TMEM150C: variants seen among roughly 807,000 people sequenced by gnomAD.
TMEM150C encodes transmembrane protein 150C, also known as tentonin 3.
Under a neutral mutation model 29.9 loss-of-function variants are expected in TMEM150C, and 10 were observed. That is an observed-to-expected ratio of 0.33 (90% CI 0.21 to 0.57). TMEM150C has a LOEUF of 0.57. Ranked by LOEUF, TMEM150C falls within the 20% of genes least tolerant of loss-of-function variation. The pLI is 0.88. For missense variants in TMEM150C, 251 were observed against 303.6 expected (o/e 0.83, Z 1.29); for synonymous variants, 101 against 112.5 (o/e 0.90, Z 0.64).
Position 82,487,013 on chromosome 4 carries a change from A to G in TMEM150C, c.542-1294T>C, listed in dbSNP as rs1012914622. ...TTAGACCTGAAATCGGGAAATTTTCAGAGAGCAAGAATGTGAAATTACTTC... is the reference window on the plus strand; with the variant it reads ...TTAGACCTGAAATCGGGAAATTTTCGGAGAGCAAGAATGTGAAATTACTTC... On this transcript the variant is annotated intron_variant, in intron 7 of 7. Transcript: ENST00000449862. Among the ~76,000 whole-genome samples, 15 of 152,330 alleles carry G rather than the reference A, an allele frequency of 9.8e-5. 1 individual carries two copies. The highest frequency in any genetic ancestry group is 2.6e-4 in the Admixed American group (4 of 15,296).
chr4:82,549,828 T>C (rs2110091949), intron 1 of TMEM150C, among the ~76,000 whole-genome samples: 1 of 152,248 alleles, frequency 6.6e-6, no homozygotes. Flanking sequence ...TTTTTTAGAA[T>C]GTAAGAAATT....
intron 5 of TMEM150C, among the ~76,000 whole-genome samples, chr4:82,502,139 C>A (rs569194385): frequency 6.6e-6 from 1 of 152,096 alleles, no homozygotes; most frequent in Non-Finnish European, 1.5e-5. Flanking sequence ...CACAGAGGGA[C>A]AGAATATTAC....
intron 1 of TMEM150C, among the ~76,000 whole-genome samples, chr4:82,520,889 C>G (rs920835763): frequency 6.6e-6 from 1 of 152,094 alleles, no homozygotes; most frequent in Admixed American, 6.5e-5. Flanking sequence ...AATAAACAAA[C>G]AAAACACACA....
At chr4:82,494,783 A>ATTT (rs70964776) in intron 6 of TMEM150C, 4,186 of 187,892 alleles carry the variant, frequency 0.022, 103 homozygotes, top group African/African-American at 0.035. Context: ...AATGTTCCTA[A>ATTT]TTTTTTTTTT....
At chr4:82,523,589 T>TA (rs1337381459) in intron 1 of TMEM150C, among the ~76,000 whole-genome samples, 5 of 152,160 alleles carry the variant, frequency 3.3e-5, no homozygotes, top group African/African-American at 7.2e-5. Context: ...GGTGGGGCCT[T>TA]ACAAGAAACT....
At chr4:82,532,153 A>T (rs150791437) in intron 1 of TMEM150C, among the ~76,000 whole-genome samples, 56 of 152,338 alleles carry the variant, frequency 3.7e-4, no homozygotes, top group African/African-American at 1.3e-3. Flanking sequence ...TGATAATAAG[A>T]GCTGAAAAGA....
chr4:82,522,774 G>C (rs945505258), intron 1 of TMEM150C, among the ~76,000 whole-genome samples: 2 of 152,092 alleles, frequency 1.3e-5, no homozygotes, highest in Non-Finnish European at 2.9e-5. Context: ...GGAGCTGGGT[G>C]GGGGGCTGTG....
At chr4:82,537,037 A>G (rs1424945047) in intron 1 of TMEM150C, among the ~76,000 whole-genome samples, 1 of 152,174 alleles carries the variant, frequency 6.6e-6, no homozygotes, top group Non-Finnish European at 1.5e-5. Flanking sequence ...GCTGGAGTGC[A>G]GTGGCTCGAT....
intron 1 of TMEM150C, among the ~76,000 whole-genome samples, chr4:82,505,493 C>T (rs763014621): frequency 6.6e-6 from 1 of 152,162 alleles, no homozygotes; most frequent in Non-Finnish European, 1.5e-5. Context: ...CTAATATGAA[C>T]ATTTATGTAT....
At chr4:82,517,030 G>A (rs1188347982) in intron 1 of TMEM150C, among the ~76,000 whole-genome samples, 4 of 152,154 alleles carry the variant, frequency 2.6e-5, no homozygotes, top group African/African-American at 4.8e-5. Flanking sequence ...GTGAGACCAG[G>A]GACTTGTAAA....
At chr4:82,510,698 T>C (rs1724095343) in intron 1 of TMEM150C, among the ~76,000 whole-genome samples, 1 of 152,214 alleles carries the variant, frequency 6.6e-6, no homozygotes. Context: ...TCTTTGGTTA[T>C]CTTTTTTTGT....
chr4:82,505,182 A>G (rs1723874906), intron 1 of TMEM150C, among the ~76,000 whole-genome samples: 1 of 152,204 alleles, frequency 6.6e-6, no homozygotes, highest in Non-Finnish European at 1.5e-5. Flanking sequence ...AATGTTCCAG[A>G]GTTTTAGTTA....
intron 6 of TMEM150C, among the ~76,000 whole-genome samples, chr4:82,490,661 G>A (rs571996356): frequency 2.8e-4 from 42 of 152,236 alleles, no homozygotes; most frequent in South Asian, 1.5e-3. Context: ...ATACAGTGGC[G>A]TGATCACGGC....
chr4:82,542,685 G>C (rs1015247574), intron 1 of TMEM150C, among the ~76,000 whole-genome samples: 4 of 152,226 alleles, frequency 2.6e-5, no homozygotes, highest in African/African-American at 4.8e-5. Context: ...TAAATAGCAA[G>C]TGGTGGAAGA....
chr4:82,544,775 C>CA (rs149817695), intron 1 of TMEM150C, among the ~76,000 whole-genome samples: 21 of 134,658 alleles, frequency 1.6e-4, no homozygotes, highest in East Asian at 7.9e-4. Flanking sequence ...TAAGACTATG[C>CA]AAAAAAAAAC....
At chr4:82,532,711 T>A (rs545861075) in intron 1 of TMEM150C, among the ~76,000 whole-genome samples, 3 of 151,938 alleles carry the variant, frequency 2.0e-5, no homozygotes, top group African/African-American at 7.2e-5. Flanking sequence ...GACATGCAAA[T>A]TCTGTTCTGT....
Position 82,502,727 on chromosome 4 carries a change from C to G in TMEM150C, c.235G>C (p.Ala79Pro), listed in dbSNP as rs768928348. ...SQVMNMAAFL[A>P]LVVAVLRFIQ... The stretch of plus-strand genomic sequence containing the variant: ...AAAGCGTTCTTTACCCTCTTCTTAC[C>G]TAGGAAGGCTGCCATGTTCATAACT... Residue 79 changes from alanine to proline, a missense_variant and splice_region_variant, in exon 5 of 8, where the codon GCC becomes CCC. Ala to Pro is a conservative substitution (Grantham distance 27). Coordinates refer to ENST00000449862, the MANE Select transcript of TMEM150C (RefSeq NM_001080506.3). 1 of 1,608,442 alleles carries G rather than the reference C, an allele frequency of 6.2e-7. No individual in the cohort carries two copies. Among genetic ancestry groups the G allele is most frequent in the Non-Finnish European group, 8.5e-7 (1 of 1,177,236 alleles).
chr4:82,521,853 G>A (rs1724498305), intron 1 of TMEM150C, among the ~76,000 whole-genome samples: 1 of 152,112 alleles, frequency 6.6e-6, no homozygotes, highest in South Asian at 2.1e-4. Context: ...TTGGGCAATG[G>A]GCAGCACTGA....
chr4:82,547,951 C>T (rs1725439619), intron 1 of TMEM150C, among the ~76,000 whole-genome samples: 1 of 152,184 alleles, frequency 6.6e-6, no homozygotes, highest in Non-Finnish European at 1.5e-5. Flanking sequence ...TGGAATCAAC[C>T]TAGGTACCCA....
Sources: gnomAD v4.1 joint callset for allele counts (sites outside exome capture counted in the v4.1 genomes callset) on GRCh38, gnomAD v4.1.1 for gene constraint, MANE v1.5 for transcripts, NCBI Gene and HGNC (gene_info 2026-07-23, HGNC 2026-07-21) for gene names.